The following WDR6 variants were observed in gnomAD, a reference collection of about 807,000 sequenced individuals.
WDR6 encodes WD repeat domain 6.
WDR6 carries 58 observed loss-of-function variants against 85.6 expected under a neutral mutation model. The observed-to-expected ratio is 0.68, with a 90% confidence interval of 0.55 to 0.84. The LOEUF (loss-of-function observed/expected upper bound fraction) is 0.84. WDR6 is among the 40% of genes least tolerant of loss of function. The pLI is 0.00. For missense variants in WDR6, 1,310 were observed against 1,476.4 expected (o/e 0.89, Z 1.85); for synonymous variants, 569 against 582.2 (o/e 0.98, Z 0.33).
chr3:49,014,129 C>A lies in WDR6; in HGVS notation c.2582+13C>A. 1 of 1,613,502 alleles carries A rather than the reference C, an allele frequency of 6.2e-7. No homozygotes were observed. Among genetic ancestry groups the A allele is most frequent in the Non-Finnish European group, 8.5e-7 (1 of 1,179,556 alleles). On this transcript the variant is annotated intron_variant, in intron 2 of 5. Transcript: ENST00000608424. The surrounding 1 kb of genome is among the most constrained non-coding windows in gnomAD (Gnocchi z 4.9). ...ACCCAGAGACCAGGTAATATATGCT[C>A]CTGGGCAGGGTGTGGTATGGGTCAT...
Position 49,012,276 on chromosome 3 carries a change from G to A in WDR6, c.742G>A (p.Val248Met). 6.2e-7 allele frequency: 1 copy of A among 1,614,254 alleles called. No homozygotes were observed. Among genetic ancestry groups the A allele is most frequent in the Non-Finnish European group, 8.5e-7 (1 of 1,180,050 alleles). The change falls in exon 2 of 6, where the codon GTG becomes ATG. Residue 248 changes from valine to methionine, a missense_variant. By Grantham distance (21) the Val-to-Met change is conservative (BLOSUM62 1). Transcript: ENST00000608424. The surrounding 1 kb of genome is among the most constrained non-coding windows in gnomAD (Gnocchi z 4.4). ...VGDLRVPGGRVQNIGHCFGHS... is the reference protein window; with the variant it reads ...VGDLRVPGGRMQNIGHCFGHS... ...CGACCTGCGAGTGCCTGGGGGTCGGGTGCAGAATATTGGGCACTGCTTTGG... is the reference window on the plus strand; with the variant it reads ...CGACCTGCGAGTGCCTGGGGGTCGGATGCAGAATATTGGGCACTGCTTTGG...
rs147656309 is a variant in WDR6 at position 49,013,772 on chromosome 3, T to C, written c.2238T>C (p.Cys746=). 85 of 1,614,102 alleles carry C rather than the reference T, an allele frequency of 5.3e-5. No individual in the cohort carries two copies. The highest frequency in any genetic ancestry group is 3.8e-4 in the South Asian group (35 of 91,082). The change falls in exon 2 of 6, where the codon TGT becomes TGC. Residue 746 remains cysteine (C), a synonymous_variant. Coordinates refer to ENST00000608424, the MANE Select transcript of WDR6 (RefSeq NM_018031.6). The surrounding 1 kb of genome is among the most constrained non-coding windows in gnomAD (Gnocchi z 4.6). The part of the protein sequence containing the change: ...GPDLTDIVIT[C]SEDTTVCVLA... ...ACTTGACTGACATTGTGATCACATG[T>C]AGTGAGGACACTACTGTCTGTGTCC...
rs149548987 is a variant in WDR6, at chr3:49,015,020, G to A, written c.3098G>A (p.Arg1033His). The part of the protein sequence containing the change: ...VGEAGLVPQL[R>H]VLEEYSVPCA... The stretch of plus-strand genomic sequence containing the variant: ...GAGGCTGGGCTGGTACCCCAGCTGC[G>A]TGTGCTAGAGGAATACTCTGTCCCC... Residue 1033 changes from arginine (R) to histidine (H), a missense_variant, in exon 6 of 6, where the codon CGT (arginine) becomes CAT (histidine). Physicochemically the swap from Arg to His is conservative, Grantham distance 29. Coordinates refer to ENST00000608424, the MANE Select transcript of WDR6 (RefSeq NM_018031.6). 3.6e-4 allele frequency: 584 copies of A among 1,614,150 alleles called. No homozygotes were observed. In the African/African-American group the frequency reaches 5.5e-3, roughly 15 times the overall value.
At position 49,012,901 on chromosome 3, in the gene WDR6, C is replaced by G. The variant is rs751648907; in HGVS notation, c.1367C>G (p.Ser456Trp). Residue 456 changes from serine to tryptophan, a missense_variant, in exon 2 of 6, where the codon TCG (serine) becomes TGG (tryptophan). By Grantham distance (177) the Ser-to-Trp change is radical. Transcript: ENST00000608424. This position sits in a 1 kb window ranked among gnomAD's most constrained non-coding sequence, Gnocchi z 4.4. ...RGYEELLLLA[S>W]GPGGVVACLE... ...TATGAGGAGCTCCTGTTGCTGGCAT[C>G]GGGCCCTGGCGGGGTAGTAGCTTGC... The G allele has an allele frequency of 4.3e-6, 7 of 1,613,572 alleles. No homozygotes were observed. Among genetic ancestry groups the G allele is most frequent in the Non-Finnish European group, 5.9e-6 (7 of 1,179,910 alleles).
Position 49,015,467 on chromosome 3 carries a change from C to T in WDR6, c.*179C>T, listed in dbSNP as rs1392011731. 10 of 1,498,530 alleles carry T rather than the reference C, an allele frequency of 6.7e-6. No homozygotes were observed. The East Asian group carries it at 1.4e-4, about 20-fold the overall frequency. 92.8% of individuals were successfully genotyped at this position (1,498,530 alleles called of 1,614,324 possible). ...GGAGTGCTGCCAAGAATATGCCCGA[C>T]TCCCCATGACAAGACAGAACTTTGT... On this transcript the variant is annotated 3_prime_UTR_variant, in exon 6 of 6. Coordinates refer to ENST00000608424, the MANE Select transcript of WDR6 (RefSeq NM_018031.6).
At chr3:49,008,086 G>A (rs1334214937) in intron 1 of WDR6, 1 of 152,552 alleles carries the variant, frequency 6.6e-6, no homozygotes, top group Non-Finnish European at 1.5e-5. Flanking sequence ...ATCCTCTGAG[G>A]AGGGTGGCGT....
chr3:49,013,892 C>G lies in WDR6; in HGVS notation c.2358C>G (p.Gly786=). ...GTGCTGTGGCTGTGTGGGGCATTGG[C>G]ACCCCAGGTGGCCCTCAGGATCCTC... ...SVRAVAVWGI[G]TPGGPQDPQP... Residue 786 remains glycine, a synonymous_variant, in exon 2 of 6, where the codon GGC becomes GGG. Coordinates refer to ENST00000608424, the MANE Select transcript of WDR6 (RefSeq NM_018031.6). This position sits in a 1 kb window ranked among gnomAD's most constrained non-coding sequence, Gnocchi z 4.6. The G allele has an allele frequency of 6.2e-7, 1 of 1,613,922 alleles. No homozygotes were observed. Among genetic ancestry groups the G allele is most frequent in the Non-Finnish European group, 8.5e-7 (1 of 1,180,008 alleles).
chr3:49,011,432 G>T, intron 1 of WDR6: 14 of 1,405,194 alleles, frequency 1.0e-5, no homozygotes, highest in African/African-American at 1.5e-5. Flanking sequence ...GTCTGGCTTT[G>T]GCTTTCCAAA....
At chr3:49,011,583 G>T in intron 1 of WDR6, 52 bp from the exon 2 acceptor site, 2 of 1,611,560 alleles carry the variant, frequency 1.2e-6, no homozygotes, top group South Asian at 1.1e-5. Context: ...CTTCCCTGTG[G>T]GTCATCAGAG....
chr3:49,014,075 A>G lies in WDR6; in HGVS notation c.2541A>G (p.Gln847=), dbSNP rs886375431. The G allele has an allele frequency of 1.2e-6, 2 of 1,613,452 alleles. No homozygotes were observed. The highest frequency in any genetic ancestry group is 1.7e-6 in the Non-Finnish European group (2 of 1,179,932). The change falls in exon 2 of 6, where the codon CAA becomes CAG. Residue 847 remains glutamine (Q), a synonymous_variant. Transcript: ENST00000608424. The surrounding 1 kb of genome is among the most constrained non-coding windows in gnomAD (Gnocchi z 4.9). ...SHRLDEYWDR[Q]RNRHRMVKVD... is the part of the protein sequence containing the mutation. Reference sequence around the variant, plus strand: ...GGCTAGATGAGTATTGGGACCGGCAACGCAATCGGCATCGGATGGTTAAGG... The same window carrying G: ...GGCTAGATGAGTATTGGGACCGGCAGCGCAATCGGCATCGGATGGTTAAGG...
chr3:49,013,511 G>T lies in WDR6; in HGVS notation c.1977G>T (p.Ser659=), dbSNP rs372920182. 2 of 1,614,018 alleles carry T rather than the reference G, an allele frequency of 1.2e-6. No individual in the cohort carries two copies. The highest frequency in any genetic ancestry group is 1.1e-5 in the South Asian group (1 of 91,082). Residue 659 remains serine (S), a synonymous_variant, in exon 2 of 6, where the codon TCG becomes TCT. Coordinates refer to ENST00000608424, the MANE Select transcript of WDR6 (RefSeq NM_018031.6). This position sits in a 1 kb window ranked among gnomAD's most constrained non-coding sequence, Gnocchi z 4.6. The part of the protein sequence containing the change: ...HIVNCGGGHR[S]WAFSDTEAAM... ...TCAACTGTGGTGGAGGGCACCGTTC[G>T]TGGGCATTCTCTGATACTGAGGCGG...
Position 49,014,680 on chromosome 3 carries a change from C to G in WDR6, c.2864C>G (p.Thr955Ser), listed in dbSNP as rs751352837. The change falls in exon 5 of 6, where the codon ACT (threonine) becomes AGT (serine). Residue 955 changes from threonine to serine, a missense_variant. Transcript: ENST00000608424. The surrounding 1 kb of genome is among the most constrained non-coding windows in gnomAD (Gnocchi z 4.9). ...DLTTMLDHDS[T>S]VLEPPVDPGL... ...ACCACCATGCTAGACCATGACTCCA[C>G]TGTCCTGGAGCCTCCAGTGGATCCT... 2 of 1,613,438 alleles carry G rather than the reference C, an allele frequency of 1.2e-6. No homozygotes were observed. The highest frequency in any genetic ancestry group is 2.7e-5 in the African/African-American group (2 of 74,940).
rs369611449 is a variant in WDR6, at chr3:49,015,804, C to T, written c.*516C>T. On this transcript the variant is annotated 3_prime_UTR_variant, in exon 6 of 6. Coordinates refer to ENST00000608424, the MANE Select transcript of WDR6 (RefSeq NM_018031.6). ...CCACCCCATTTTGCTGTGTGCTCAC[C>T]CCCAGGATGTGTACCCGGTTGTAGT... 29 of 1,614,152 alleles carry T rather than the reference C, an allele frequency of 1.8e-5. No homozygotes were observed. Among genetic ancestry groups the T allele is most frequent in the Non-Finnish European group, 2.5e-5 (29 of 1,180,036 alleles).
In WDR6 at chr3:49,007,543, C is replaced by T. The variant is rs1416159003; in HGVS notation, c.100+12C>T. Reference sequence around the variant, plus strand: ...CCGGCTGTTGGCGGGTGAGGCTTGGCTTGAGGCACGCCTGGTGGAAAGGGG... The same window carrying T: ...CCGGCTGTTGGCGGGTGAGGCTTGGTTTGAGGCACGCCTGGTGGAAAGGGG... On this transcript the variant is annotated intron_variant, in intron 1 of 5. Transcript: ENST00000608424. This position sits in a 1 kb window ranked among gnomAD's most constrained non-coding sequence, Gnocchi z 5.1. 4 of 1,582,272 alleles carry T rather than the reference C, an allele frequency of 2.5e-6. No individual in the cohort carries two copies. Among genetic ancestry groups the T allele is most frequent in the South Asian group, 2.2e-5 (2 of 89,332 alleles).
Position 49,014,070 on chromosome 3 carries a change from C to G in WDR6, c.2536C>G (p.Arg846Gly). 1 of 1,613,122 alleles carries G rather than the reference C, an allele frequency of 6.2e-7. No individual in the cohort carries two copies. The highest frequency in any genetic ancestry group is 8.5e-7 in the Non-Finnish European group (1 of 1,179,934). Reference protein sequence around the residue: ...SSHRLDEYWDRQRNRHRMVKV... With the variant: ...SSHRLDEYWDGQRNRHRMVKV... Reference sequence around the variant, plus strand: ...CCACCGGCTAGATGAGTATTGGGACCGGCAACGCAATCGGCATCGGATGGT... The same window carrying G: ...CCACCGGCTAGATGAGTATTGGGACGGGCAACGCAATCGGCATCGGATGGT... The change falls in exon 2 of 6, where the codon CGG (arginine) becomes GGG (glycine). Residue 846 changes from arginine to glycine, a missense_variant. Coordinates refer to ENST00000608424, the MANE Select transcript of WDR6 (RefSeq NM_018031.6). This position sits in a 1 kb window ranked among gnomAD's most constrained non-coding sequence, Gnocchi z 4.9.
rs1559900022 is a variant in WDR6 at position 49,014,913 on chromosome 3, CG to C, written c.2992del (p.Val998TrpfsTer22). On this transcript the variant is annotated frameshift_variant, in exon 6 of 6. Coordinates refer to ENST00000608424, the MANE Select transcript of WDR6 (RefSeq NM_018031.6). LOFTEE classifies it high-confidence loss of function. The surrounding 1 kb of genome is among the most constrained non-coding windows in gnomAD (Gnocchi z 4.9). ...TLPTREGHHLVASGSEDGSLH... is the reference protein window; with the variant it reads ...TLPTREGHHLXASGSEDGSLH... Reference sequence around the variant, plus strand: ...TGCCCACCCGTGAGGGCCACCATCTCGTGGCCAGTGGCAGTGAAGATGGATC... The same window carrying C: ...TGCCCACCCGTGAGGGCCACCATCTCTGGCCAGTGGCAGTGAAGATGGATC... 6.2e-7 allele frequency: 1 copy of C among 1,614,138 alleles called. No homozygotes were observed. Among genetic ancestry groups the C allele is most frequent in the South Asian group, 1.1e-5 (1 of 91,080 alleles).
At position 49,014,230 on chromosome 3, in the gene WDR6, G is replaced by A; in HGVS notation, c.2603G>A (p.Cys868Tyr). 2 of 1,614,154 alleles carry A rather than the reference G, an allele frequency of 1.2e-6. No homozygotes were observed. The highest frequency in any genetic ancestry group is 1.7e-6 in the Non-Finnish European group (2 of 1,180,020). ...PETRYMSLAVCELDQPGLGPL... is the reference protein window; with the variant it reads ...PETRYMSLAVYELDQPGLGPL... The stretch of plus-strand genomic sequence containing the variant: ...TGCAGGTACATGTCCCTTGCTGTGT[G>A]TGAACTTGACCAGCCCGGCCTTGGC... The change falls in exon 3 of 6, where the codon TGT becomes TAT. Residue 868 changes from cysteine to tyrosine, a missense_variant. Transcript: ENST00000608424. This position sits in a 1 kb window ranked among gnomAD's most constrained non-coding sequence, Gnocchi z 4.9.
At chr3:49,010,274 C>T (rs2093007393) in intron 1 of WDR6, among the ~76,000 whole-genome samples, 1 of 151,406 alleles carries the variant, frequency 6.6e-6, no homozygotes, top group Non-Finnish European at 1.5e-5. Flanking sequence ...GGCATGGTGG[C>T]GGATGCCTGT....
rs756998051 is a variant in WDR6 at position 49,012,390 on chromosome 3, G to T, written c.856G>T (p.Glu286Ter). The T allele has an allele frequency of 3.1e-6, 5 of 1,614,194 alleles. No homozygotes were observed. Among genetic ancestry groups the T allele is most frequent in the African/African-American group, 1.3e-5 (1 of 75,044 alleles). ...EDCVCLVWSH[E>*]GEILQAFRGH... ...TTGTGTCTGCTTGGTGTGGAGCCAT[G>T]AAGGTGAGATCCTCCAGGCCTTTCG... Residue 286 changes from glutamate (E) to a stop codon, truncating the protein, a stop_gained, in exon 2 of 6, where the codon GAA becomes TAA. Coordinates refer to ENST00000608424, the MANE Select transcript of WDR6 (RefSeq NM_018031.6). LOFTEE classifies it high-confidence loss of function. The surrounding 1 kb of genome is among the most constrained non-coding windows in gnomAD (Gnocchi z 4.4).
Sources: allele counts gnomAD v4.1 joint callset (sites outside exome capture counted in the v4.1 genomes callset), GRCh38; gene constraint gnomAD v4.1.1; non-coding constraint Gnocchi (gnomAD v3.1); transcripts MANE v1.5; gene names NCBI Gene and HGNC (gene_info 2026-07-23, HGNC 2026-07-21).